The following PLEKHA5 variants were observed in gnomAD, a reference collection of about 807,000 sequenced individuals.
PLEKHA5 encodes pleckstrin homology domain containing A5, also known as pleckstrin homology domain-containing family A member 5.
PLEKHA5 carries 55 observed loss-of-function variants against 181.9 expected under a neutral mutation model. That is an observed-to-expected ratio of 0.30 (90% CI 0.24 to 0.38). The LOEUF is 0.38. Among genes scored for constraint, PLEKHA5 ranks in the 10% least tolerant of loss-of-function variants. The pLI is 1.00. For missense variants in PLEKHA5, 1,432 were observed against 1,549.5 expected (o/e 0.92, Z 1.27); for synonymous variants, 535 against 529.4 (o/e 1.01, Z -0.15).
Position 19,130,144 on chromosome 12 carries a change from CA to C in PLEKHA5, c.169+17del. 1.3e-6 allele frequency: 2 copies of C among 1,536,678 alleles called. No individual in the cohort carries two copies. The highest frequency in any genetic ancestry group is 1.8e-6 in the Non-Finnish European group (2 of 1,138,552). On this transcript the variant is annotated intron_variant, in intron 2 of 31. Transcript: ENST00000429027. This position sits in a 1 kb window ranked among gnomAD's most constrained non-coding sequence, Gnocchi z 4.5. ...GGCAGAGCACAGGTAACGCCGGGCC[CA>C]AACGGAGTTGGGCTCCGCCTGGAGG...
chr12:19,149,308 C>T (rs1338316818), intron 3 of PLEKHA5, among the ~76,000 whole-genome samples: 1 of 151,810 alleles, frequency 6.6e-6, no homozygotes, highest in African/African-American at 2.4e-5. Context: ...CGAGACCATC[C>T]TGGCTAGCAC....
intron 21 of PLEKHA5, among the ~76,000 whole-genome samples, chr12:19,340,101 G>A (rs1257534289): frequency 1.3e-5 from 2 of 152,136 alleles, no homozygotes; most frequent in Non-Finnish European, 2.9e-5. Flanking sequence ...CCTCAATGAA[G>A]GCAACATAGA....
Position 19,291,586 on chromosome 12 carries a change from T to G in PLEKHA5, c.1984-58T>G. The G allele has an allele frequency of 4.8e-6, 5 of 1,045,212 alleles. No homozygotes were observed. In the South Asian group the frequency reaches 7.3e-5, roughly 15 times the overall value. 64.7% of individuals were successfully genotyped at this position (1,045,212 alleles called of 1,614,324 possible). A position where few individuals can be genotyped will look rare whatever the true frequency, so the allele number is the denominator to read the frequency against. The stretch of plus-strand genomic sequence containing the variant: ...GTTTTTCTTATTCCAAAATTGACCT[T>G]TTCTTGAATTCCACATCCTCTTTCT... On this transcript the variant is annotated intron_variant, in intron 14 of 31. Transcript: ENST00000429027.
At chr12:19,137,209 G>C (rs1464208181) in intron 3 of PLEKHA5, among the ~76,000 whole-genome samples, 1 of 151,940 alleles carries the variant, frequency 6.6e-6, no homozygotes, top group African/African-American at 2.4e-5. Flanking sequence ...CTAATTTTTT[G>C]TATTTTTAGT....
chr12:19,223,580 T>C (rs2059292835), intron 3 of PLEKHA5, among the ~76,000 whole-genome samples: 1 of 152,192 alleles, frequency 6.6e-6, no homozygotes, highest in Non-Finnish European at 1.5e-5. Context: ...ATATCACCGA[T>C]AGTATATAAA....
intron 22 of PLEKHA5, among the ~76,000 whole-genome samples, chr12:19,345,275 C>T: frequency 6.6e-6 from 1 of 151,810 alleles, no homozygotes; most frequent in East Asian, 1.9e-4. Flanking sequence ...TGGCGTGCAC[C>T]TATAGTCCCA....
intron 6 of PLEKHA5, among the ~76,000 whole-genome samples, chr12:19,260,544 C>A (rs948994291): frequency 7.2e-5 from 11 of 152,026 alleles, no homozygotes; most frequent in Admixed American, 2.0e-4. Flanking sequence ...ATCAAACATA[C>A]CTTGTTTTAA....
At chr12:19,306,558 C>T (rs1459479951) in intron 15 of PLEKHA5, 13 of 763,696 alleles carry the variant, frequency 1.7e-5, no homozygotes, top group Middle Eastern at 2.3e-4. Flanking sequence ...AGCAACACTA[C>T]CATCGTCCCC....
chr12:19,297,386 G>A (rs1217086390), intron 15 of PLEKHA5, among the ~76,000 whole-genome samples: 1 of 151,646 alleles, frequency 6.6e-6, no homozygotes, highest in African/African-American at 2.4e-5. Context: ...ACTTTGGGAG[G>A]CCGAGGCAGG....
At chr12:19,191,894 T>C (rs191274062) in intron 3 of PLEKHA5, among the ~76,000 whole-genome samples, 1 of 152,192 alleles carries the variant, frequency 6.6e-6, no homozygotes, top group East Asian at 1.9e-4. Flanking sequence ...CCTAAGAGAG[T>C]AAGGTAGAAG....
Position 19,130,091 on chromosome 12 carries a change from G to T in PLEKHA5, c.130G>T (p.Gly44Cys). Reference sequence around the variant, plus strand: ...CACCACCTGGCTGCACCCCGTCACCGGCGAGGCGGTGGTCACCGGACACCG... The same window carrying T: ...CACCACCTGGCTGCACCCCGTCACCTGCGAGGCGGTGGTCACCGGACACCG... ...KSTTWLHPVT[G>C]EAVVTGHRRQ... The change falls in exon 2 of 32, where the codon GGC becomes TGC. Residue 44 changes from glycine (G) to cysteine (C), a missense_variant. Coordinates refer to ENST00000429027, the MANE Select transcript of PLEKHA5 (RefSeq NM_001256470.2). This position sits in a 1 kb window ranked among gnomAD's most constrained non-coding sequence, Gnocchi z 4.5. The T allele has an allele frequency of 6.3e-7, 1 of 1,589,684 alleles. No homozygotes were observed. The highest frequency in any genetic ancestry group is 8.6e-7 in the Non-Finnish European group (1 of 1,169,580).
chr12:19,293,451 A>G (rs2078982085), intron 15 of PLEKHA5, among the ~76,000 whole-genome samples: 1 of 152,204 alleles, frequency 6.6e-6, no homozygotes, highest in Admixed American at 6.5e-5. Context: ...TTGAAATTTA[A>G]CCACAGTGTA....
intron 21 of PLEKHA5, among the ~76,000 whole-genome samples, chr12:19,340,286 C>T (rs1013753211): frequency 6.6e-6 from 1 of 151,988 alleles, no homozygotes; most frequent in Non-Finnish European, 1.5e-5. Context: ...ATTACTAACA[C>T]GTGTTTGAAA....
At chr12:19,291,930 A>G (rs1024653423) in intron 15 of PLEKHA5, among the ~76,000 whole-genome samples, 3 of 152,204 alleles carry the variant, frequency 2.0e-5, no homozygotes, top group Admixed American at 6.5e-5. Context: ...CCTGAAATTG[A>G]GGGCCTAAAT....
chr12:19,300,972 TAAA>T (rs57234099), intron 15 of PLEKHA5, among the ~76,000 whole-genome samples: 86,781 of 127,622 alleles, frequency 0.68, 31,787 homozygotes, highest in Non-Finnish European at 0.83. Flanking sequence ...CCATCTCTAC[TAAA>T]AAAAAAAAAA....
intron 20 of PLEKHA5, among the ~76,000 whole-genome samples, chr12:19,334,829 A>AATATATATATATATATAT (rs56763101): frequency 5.4e-5 from 1 of 18,542 alleles, no homozygotes; most frequent in Admixed American, 8.8e-4. Flanking sequence ...AAAAAAAAAA[A>AATATATATATATATATAT]ATATATATAT....
At chr12:19,345,297 G>A (rs1488925808) in intron 22 of PLEKHA5, among the ~76,000 whole-genome samples, 1 of 151,820 alleles carries the variant, frequency 6.6e-6, no homozygotes, top group African/African-American at 2.4e-5. Flanking sequence ...CTGCTCGGGA[G>A]GCTGAGGCAG....
intron 3 of PLEKHA5, among the ~76,000 whole-genome samples, chr12:19,233,991 A>G (rs2061012604): frequency 6.6e-6 from 1 of 152,226 alleles, no homozygotes; most frequent in Non-Finnish European, 1.5e-5. Flanking sequence ...TGAGAAAGTT[A>G]AACTTGTCAT....
intron 15 of PLEKHA5, chr12:19,307,658 T>A: frequency 3.1e-6 from 1 of 321,450 alleles, no homozygotes; most frequent in Admixed American, 3.6e-5. Context: ...AGTCTAGGAG[T>A]CGTTGATGAT....
Sources: gnomAD v4.1 joint callset for allele counts (sites outside exome capture counted in the v4.1 genomes callset) on GRCh38, gnomAD v4.1.1 for gene constraint, Gnocchi (gnomAD v3.1) non-coding constraint, MANE v1.5 for transcripts, NCBI Gene and HGNC (gene_info 2026-07-23, HGNC 2026-07-21) for gene names.